Variants in PCDHGA5 observed in about 807,000 individuals in gnomAD.
PCDHGA5 encodes protocadherin gamma subfamily A, 5, also known as protocadherin gamma-A5.
In PCDHGA5, 36 loss-of-function variants were observed where a neutral mutation model predicts 56.7. The ratio of observed to expected loss-of-function variants is 0.64; its 90% CI spans 0.49 to 0.84. The LOEUF (loss-of-function observed/expected upper bound fraction) is 0.84, where lower values mean the gene tolerates loss of function less well. Ranked by LOEUF, PCDHGA5 falls within the 40% of genes least tolerant of loss-of-function variation. The pLI, the probability that PCDHGA5 is intolerant of heterozygous loss-of-function variation, is 0.00. For missense variants in PCDHGA5, 1,305 were observed against 1,201.5 expected (o/e 1.09, Z -1.27); for synonymous variants, 563 against 520.2 (o/e 1.08, Z -1.12).
At position 141,365,866 on chromosome 5, in the gene PCDHGA5, T is replaced by C. The variant is rs1335120625; in HGVS notation, c.1536T>C (p.Gly512=). Residue 512 remains glycine, a synonymous_variant, in exon 1 of 4, where the codon GGT becomes GGC. Coordinates refer to ENST00000518069, the MANE Select transcript of PCDHGA5 (RefSeq NM_018918.3). ...SSYVSINSDT[G]VLYALRSFDY... is the part of the protein sequence containing the mutation. Reference sequence around the variant, plus strand: ...ATGTATCCATTAACTCTGACACCGGTGTCCTGTATGCTCTGAGATCCTTCG... The same window carrying C: ...ATGTATCCATTAACTCTGACACCGGCGTCCTGTATGCTCTGAGATCCTTCG... 6.2e-7 allele frequency: 1 copy of C among 1,614,068 alleles called. No individual in the cohort carries two copies. The highest frequency in any genetic ancestry group is 1.1e-5 in the South Asian group (1 of 91,082).
intron 1 of PCDHGA5, chr5:141,409,291 A>G: frequency 6.2e-7 from 1 of 1,614,000 alleles, no homozygotes; most frequent in Non-Finnish European, 8.5e-7. Context: ...CACCTCCAGG[A>G]ATGGTTGTTG....
At chr5:141,389,933 G>A (rs774443122) in intron 1 of PCDHGA5, 7 of 1,614,068 alleles carry the variant, frequency 4.3e-6, no homozygotes, top group Non-Finnish European at 5.9e-6. Context: ...CTGACCTCCA[G>A]GCTGAGCTGC....
intron 1 of PCDHGA5, chr5:141,392,848 A>C (rs374832992): frequency 1.2e-6 from 2 of 1,610,796 alleles, no homozygotes; most frequent in Non-Finnish European, 1.7e-6. Flanking sequence ...AGACGCGGCG[A>C]GCTGATCCTG....
intron 1 of PCDHGA5, chr5:141,389,006 C>T (rs1238735616): frequency 1.2e-6 from 2 of 1,613,868 alleles, no homozygotes. Flanking sequence ...ACAAGGATTC[C>T]AGACACAATG....
At chr5:141,505,238 G>A (rs1254100882) in intron 2 of PCDHGA5, 155 bp from the exon 3 acceptor site, 2 of 890,422 alleles carry the variant, frequency 2.2e-6, no homozygotes, top group South Asian at 5.2e-5. Context: ...GGCTTCTGAA[G>A]GATTGTAGAA....
chr5:141,382,956 C>G (rs373364562), intron 1 of PCDHGA5: 1 of 1,606,182 alleles, frequency 6.2e-7, no homozygotes, highest in Non-Finnish European at 8.5e-7. Flanking sequence ...TCTCCATCCT[C>G]CTGGGGACCC....
chr5:141,414,615 G>T, intron 1 of PCDHGA5: 1 of 1,613,962 alleles, frequency 6.2e-7, no homozygotes, highest in Non-Finnish European at 8.5e-7. Flanking sequence ...CAGTGACAGC[G>T]CTGGACCCGG....
intron 1 of PCDHGA5, among the ~76,000 whole-genome samples, chr5:141,387,085 C>T (rs1242993034): frequency 6.6e-6 from 1 of 152,168 alleles, no homozygotes; most frequent in African/African-American, 2.4e-5. Flanking sequence ...TGCCTGTGAT[C>T]ATCGAAATGA....
At chr5:141,370,714 A>G in intron 1 of PCDHGA5, 1 of 1,613,830 alleles carries the variant, frequency 6.2e-7, no homozygotes, top group Non-Finnish European at 8.5e-7. Flanking sequence ...CTGGAATTTG[A>G]AATGGTTGCT....
At chr5:141,492,705 C>T (rs2099743225) in intron 1 of PCDHGA5, among the ~76,000 whole-genome samples, 1 of 152,258 alleles carries the variant, frequency 6.6e-6, no homozygotes, top group South Asian at 2.1e-4. Flanking sequence ...ACCCAGAAGC[C>T]TCGAGCAGGC....
chr5:141,504,510 C>T (rs2099838864), intron 2 of PCDHGA5, among the ~76,000 whole-genome samples: 1 of 151,952 alleles, frequency 6.6e-6, no homozygotes, highest in Non-Finnish European at 1.5e-5. Context: ...GAGTGGATCT[C>T]CTCTGATATA....
rs951964805 is a variant in PCDHGA5, at chr5:141,512,109, C to A, written c.*936C>A. The A allele has an allele frequency of 1.0e-4, 16 of 152,656 alleles. No individual in the cohort carries two copies. The highest frequency in any genetic ancestry group is 1.5e-5 in the Non-Finnish European group (1 of 68,058). 9.5% of individuals were successfully genotyped at this position (152,656 alleles called of 1,614,324 possible). Reference sequence around the variant, plus strand: ...ACCAATAACTAGGCTGGACCCTTCCCACTACATAATAGGGCTCAGCCCAGG... The same window carrying A: ...ACCAATAACTAGGCTGGACCCTTCCAACTACATAATAGGGCTCAGCCCAGG... On this transcript the variant is annotated 3_prime_UTR_variant, in exon 4 of 4. Coordinates refer to ENST00000518069, the MANE Select transcript of PCDHGA5 (RefSeq NM_018918.3).
intron 1 of PCDHGA5, chr5:141,478,551 G>A (rs759604162): frequency 6.2e-6 from 10 of 1,603,054 alleles, no homozygotes; most frequent in South Asian, 3.3e-5. Context: ...GGACAGGTAA[G>A]GTTTAGCAAG....
chr5:141,423,802 C>A, intron 1 of PCDHGA5: 3 of 1,254,704 alleles, frequency 2.4e-6, no homozygotes, highest in South Asian at 2.9e-5. Context: ...TAGAGCAATA[C>A]ATGTGAGTTT....
At chr5:141,379,148 C>A (rs1775403253) in intron 1 of PCDHGA5, 1 of 152,174 alleles carries the variant, frequency 6.6e-6, no homozygotes, top group East Asian at 1.9e-4. Flanking sequence ...TCCTTTGTAA[C>A]CTGACTTTGT....
At chr5:141,385,132 G>A (rs763210124) in intron 1 of PCDHGA5, 9 of 1,614,208 alleles carry the variant, frequency 5.6e-6, no homozygotes, top group Middle Eastern at 1.6e-4. Flanking sequence ...GGGCATGGAC[G>A]GGGTGCAGGC....
Position 141,432,970 on chromosome 5 carries a change from G to C in PCDHGA5, c.2422-61837G>C, listed in dbSNP as rs371130763. On this transcript the variant is annotated intron_variant, in intron 1 of 3. Transcript: ENST00000518069. This position sits in a 1 kb window ranked among gnomAD's most constrained non-coding sequence, Gnocchi z 6.0. ...GAGGCGGCTTGACAGGAGCGCCGGC[G>C]TCGCACTTTGTGGGCGTGGACGGGG... is the stretch of plus-strand genomic sequence containing the variant. 25 of 1,614,114 alleles carry C rather than the reference G, an allele frequency of 1.5e-5. No individual in the cohort carries two copies. Among genetic ancestry groups the C allele is most frequent in the African/African-American group, 1.1e-4 (8 of 75,054 alleles).
chr5:141,421,766 C>T, intron 1 of PCDHGA5: 2 of 1,613,868 alleles, frequency 1.2e-6, no homozygotes, highest in South Asian at 1.1e-5. Context: ...AATTACTTTT[C>T]CTTGCAACTG....
chr5:141,385,209 C>G (rs375927473), intron 1 of PCDHGA5: 95 of 1,614,118 alleles, frequency 5.9e-5, no homozygotes, highest in Non-Finnish European at 7.8e-5. Context: ...ACCTGATCTT[C>G]CCCCAGCCCA....
Sources: allele counts gnomAD v4.1 joint callset (sites outside exome capture counted in the v4.1 genomes callset), GRCh38; gene constraint gnomAD v4.1.1; non-coding constraint Gnocchi (gnomAD v3.1); transcripts MANE v1.5; gene names NCBI Gene and HGNC (gene_info 2026-07-23, HGNC 2026-07-21).